Variants in CCP110 observed in about 807,000 individuals in gnomAD.
The protein encoded by CCP110 is centriolar coiled-coil protein 110, also known as centriolar coiled-coil protein of 110 kDa.
CCP110 carries 43 observed loss-of-function variants against 105.5 expected under a neutral mutation model. The observed-to-expected ratio is 0.41, with a 90% confidence interval of 0.32 to 0.53. CCP110 has a LOEUF of 0.53. Ranked by LOEUF, CCP110 falls within the 20% of genes least tolerant of loss-of-function variation. The pLI, the probability that CCP110 is intolerant of heterozygous loss-of-function variation, is 0.32. For synonymous variants in CCP110, 353 were observed against 392.1 expected (o/e 0.90, Z 1.18); for missense variants, 1,016 against 1,189.1 (o/e 0.85, Z 2.14).
chr16:19,537,649 ATTGACATT>A (rs1253822298), intron 4 of CCP110, 62 bp downstream of exon 4: 1 of 958,680 alleles, frequency 1.0e-6, no homozygotes, highest in African/African-American at 1.7e-5. Context: ...AATACTCTTA[ATTGACATT>A]TTTGGGAAAA....
chr16:19,537,614 C>T (rs139682220), intron 4 of CCP110, 27 bp downstream of exon 4: 13 of 1,271,416 alleles, frequency 1.0e-5, no homozygotes, highest in Non-Finnish European at 1.3e-5. Flanking sequence ...GCGTTTGATA[C>T]CTTCTATGCA....
chr16:19,548,282 A>G lies in CCP110; in HGVS notation c.2901-233A>G. On this transcript the variant is annotated intron_variant, in intron 13 of 14. Coordinates refer to ENST00000381396, the Ensembl canonical transcript of CCP110. This position sits in a 1 kb window ranked among gnomAD's most constrained non-coding sequence, Gnocchi z 4.1. ...TACTCATAAAGTATTTTAAATATCC[A>G]TATAGTAAATTCAGCATCACCGAAG... 1.7e-6 allele frequency: 1 copy of G among 577,218 alleles called. No homozygotes were observed. 35.8% of individuals were successfully genotyped at this position (577,218 alleles called of 1,614,324 possible). A position where few individuals can be genotyped will look rare whatever the true frequency, so the allele number is the denominator to read the frequency against.
At chr16:19,544,997 A>T (rs889476546) in intron 9 of CCP110, 97 bp from the exon 10 acceptor site, 1 of 988,340 alleles carries the variant, frequency 1.0e-6, no homozygotes, top group Non-Finnish European at 1.6e-6. Context: ...AAACTATTTT[A>T]ATCTTTTTCT....
chr16:19,537,090 C>T (rs763990973), exon 4 of CCP110: 2 of 1,614,152 alleles, frequency 1.2e-6, no homozygotes. Flanking sequence ...AATAAAGTTA[C>T]TCATGGACTT....
At chr16:19,544,991 T>G (rs543903230) in intron 9 of CCP110, 93 bp downstream of exon 9, 2 of 992,086 alleles carry the variant, frequency 2.0e-6, no homozygotes, top group East Asian at 4.8e-5. Context: ...CAATGAAAAC[T>G]ATTTTAATCT....
chr16:19,536,298 A>G lies in CCP110; in HGVS notation c.629A>G (p.Gln210Arg), dbSNP rs758947488. The G allele has an allele frequency of 3.7e-6, 6 of 1,613,340 alleles. No individual in the cohort carries two copies. In the South Asian group the frequency reaches 6.6e-5, roughly 18 times the overall value. The change falls in exon 4 of 15, where the codon CAA becomes CGA. Residue 210 changes from glutamine (Q) to arginine (R), a missense_variant. By Grantham distance (43) the Gln-to-Arg change is conservative (BLOSUM62 1). Coordinates refer to ENST00000381396, the Ensembl canonical transcript of CCP110. ...GATGGTCCCTTCTCAGTAAATGAAC[A>G]ACAGGATCTACCACTTTTGGCAGAA...
At position 19,546,317 on chromosome 16, in the gene CCP110, A is replaced by G. The variant is rs941446488; in HGVS notation, c.2778-95A>G. 4 of 725,526 alleles carry G rather than the reference A, an allele frequency of 5.5e-6. No individual in the cohort carries two copies. In the African/African-American group the frequency reaches 7.1e-5, roughly 13 times the overall value. 44.9% of individuals were successfully genotyped at this position (725,526 alleles called of 1,614,324 possible). A position where few individuals can be genotyped will look rare whatever the true frequency, so the allele number is the denominator to read the frequency against. ...CTTCCAGTAGTACACCAGCTTCTAA[A>G]TGATGATTTGTTTCTGTCATCCTGT... On this transcript the variant is annotated intron_variant, in intron 11 of 14. Transcript: ENST00000381396.
intron 4 of CCP110, among the ~76,000 whole-genome samples, chr16:19,539,122 AATAAT>A (rs1264589967): frequency 1.2e-4 from 13 of 107,690 alleles, no homozygotes; most frequent in Admixed American, 3.3e-4. Context: ...AAAAAAAAAA[AATAAT>A]AATAATAAAG....
exon 4 of CCP110, chr16:19,537,478 C>T (rs538988383): frequency 6.2e-7 from 1 of 1,611,616 alleles, no homozygotes; most frequent in African/African-American, 1.3e-5. Context: ...GCCCTTATGT[C>T]ATAACAAGTG....
At chr16:19,532,690 A>G (rs1969916762) in intron 3 of CCP110, 146 bp downstream of exon 3, 1 of 631,734 alleles carries the variant, frequency 1.6e-6, no homozygotes, top group Non-Finnish European at 2.6e-6. Context: ...GTGATTTTCC[A>G]TTTCAGTTAC....
chr16:19,545,182 T>C, exon 10 of CCP110: 1 of 1,606,638 alleles, frequency 6.2e-7, no homozygotes, highest in Non-Finnish European at 8.5e-7. Context: ...GATCGAGAAG[T>C]TCGCAAAGAG....
intron 9 of CCP110, 72 bp downstream of exon 9, chr16:19,544,970 A>G: frequency 9.7e-7 from 1 of 1,033,100 alleles, no homozygotes; most frequent in Admixed American, 2.2e-5. Context: ...TTAATCACTG[A>G]AAATAGGTTT....
intron 3 of CCP110, 124 bp downstream of exon 3, chr16:19,532,668 G>A (rs1969916278): frequency 6.8e-6 from 5 of 738,128 alleles, no homozygotes; most frequent in African/African-American, 5.4e-5. Flanking sequence ...CGTTTGAGAA[G>A]CTTCATAATT....
intron 6 of CCP110, 44 bp from the exon 7 acceptor site, chr16:19,542,577 A>G (rs777624659): frequency 9.8e-6 from 14 of 1,429,752 alleles, no homozygotes; most frequent in Non-Finnish European, 1.4e-5. Flanking sequence ...TTCGTATTCT[A>G]ATTATATGAC....
intron 4 of CCP110, among the ~76,000 whole-genome samples, chr16:19,538,177 C>T (rs575678775): frequency 3.3e-5 from 5 of 152,010 alleles, no homozygotes; most frequent in East Asian, 3.9e-4. Flanking sequence ...CATGCCTCAG[C>T]GTCCTGAGTA....
exon 15 of CCP110, chr16:19,551,294 C>T (rs1209079138): frequency 6.8e-7 from 1 of 1,475,440 alleles, no homozygotes; most frequent in Non-Finnish European, 9.5e-7. Flanking sequence ...GATTATTATT[C>T]ATGTTATTTT....
intron 3 of CCP110, among the ~76,000 whole-genome samples, chr16:19,533,549 A>C (rs1969947629): frequency 6.6e-6 from 1 of 152,216 alleles, no homozygotes; most frequent in Admixed American, 6.5e-5. Flanking sequence ...TGAATCCACA[A>C]GTCGCATGAG....
Position 19,548,301 on chromosome 16 carries a change from ACC to A in CCP110, c.2901-213_2901-212del. On this transcript the variant is annotated intron_variant, in intron 13 of 14. Coordinates refer to ENST00000381396, the Ensembl canonical transcript of CCP110. The surrounding 1 kb of genome is among the most constrained non-coding windows in gnomAD (Gnocchi z 4.1). ...ATATCCATATAGTAAATTCAGCATCACCGAAGTGATTCTCCAACAGAGTATGA... is the reference window on the plus strand; with the variant it reads ...ATATCCATATAGTAAATTCAGCATCAGAAGTGATTCTCCAACAGAGTATGA... 1 of 577,562 alleles carries A rather than the reference ACC, an allele frequency of 1.7e-6. No homozygotes were observed. The highest frequency in any genetic ancestry group is 3.3e-5 in the Admixed American group (1 of 29,938). 35.8% of individuals were successfully genotyped at this position (577,562 alleles called of 1,614,324 possible).
exon 4 of CCP110, chr16:19,536,525 G>T: frequency 6.2e-7 from 1 of 1,614,090 alleles, no homozygotes; most frequent in Non-Finnish European, 8.5e-7. Context: ...CAAACACTGT[G>T]TCTCAGTTAT....
Sources: gnomAD v4.1 joint callset for allele counts (sites outside exome capture counted in the v4.1 genomes callset) on GRCh38, gnomAD v4.1.1 for gene constraint, Gnocchi (gnomAD v3.1) non-coding constraint, MANE v1.5 for transcripts, NCBI Gene and HGNC (gene_info 2026-07-23, HGNC 2026-07-21) for gene names.